The following SUMF1 variants were observed in gnomAD, a reference collection of about 807,000 sequenced individuals.
The protein encoded by SUMF1 is sulfatase modifying factor 1.
SUMF1 carries 48 observed loss-of-function variants against 47.6 expected under a neutral mutation model. The observed-to-expected ratio is 1.01, with a 90% confidence interval of 0.80 to 1.28. SUMF1 has a LOEUF of 1.28. Among genes scored for constraint, SUMF1 ranks in the 50% most tolerant of loss-of-function variants. SUMF1 has a pLI of 0.00. For missense variants in SUMF1, 571 were observed against 485.4 expected (o/e 1.18, Z -1.66); for synonymous variants, 230 against 192.1 (o/e 1.20, Z -1.63).
intron 3 of SUMF1, among the ~76,000 whole-genome samples, chr3:4,445,252 T>C (rs1702740274): frequency 6.6e-6 from 1 of 152,160 alleles, no homozygotes; most frequent in African/African-American, 2.4e-5. Flanking sequence ...TACATCTCAA[T>C]AAAGCTGTTG....
intron 8 of SUMF1, among the ~76,000 whole-genome samples, chr3:4,238,591 C>T (rs1331593858): frequency 6.6e-6 from 1 of 152,170 alleles, no homozygotes; most frequent in Non-Finnish European, 1.5e-5. Context: ...AGTGTCTGTT[C>T]ATATCCTTCA....
At chr3:4,332,684 T>C (rs1699073094) in intron 8 of SUMF1, among the ~76,000 whole-genome samples, 1 of 152,182 alleles carries the variant, frequency 6.6e-6, no homozygotes, top group Non-Finnish European at 1.5e-5. Flanking sequence ...TTAGCTTGTT[T>C]TCTTAATTAG....
intron 2 of SUMF1, 105 bp downstream of exon 2, chr3:4,452,771 C>A (rs1010535957): frequency 1.7e-5 from 22 of 1,328,404 alleles, no homozygotes; most frequent in Non-Finnish European, 1.2e-5. Flanking sequence ...CACAGTTCTG[C>A]CACAGAATGC....
chr3:4,206,460 T>TG (rs1307904366), intron 8 of SUMF1, among the ~76,000 whole-genome samples: 6 of 152,126 alleles, frequency 3.9e-5, no homozygotes, highest in African/African-American at 7.2e-5. Flanking sequence ...ACCAGGTGAA[T>TG]TCTGCCCTTC....
intron 6 of SUMF1, 100 bp downstream of exon 6, chr3:4,417,028 C>T (rs2125031192): frequency 9.4e-7 from 1 of 1,058,996 alleles, no homozygotes; most frequent in South Asian, 1.3e-5. Flanking sequence ...GAAGGGAACA[C>T]CGTGTGAGTC....
chr3:4,190,722 A>T (rs1167055854), intron 8 of SUMF1, among the ~76,000 whole-genome samples: 1 of 152,150 alleles, frequency 6.6e-6, no homozygotes, highest in African/African-American at 2.4e-5. Context: ...AATATTACTC[A>T]ATGAATTTTT....
chr3:4,106,690 G>C (rs1055342915), intron 8 of SUMF1, among the ~76,000 whole-genome samples: 2 of 152,104 alleles, frequency 1.3e-5, no homozygotes, highest in African/African-American at 4.8e-5. Context: ...ATCAGGAACT[G>C]ACTCTACTTG....
intron 8 of SUMF1, among the ~76,000 whole-genome samples, chr3:4,150,124 G>GGTCC (rs1553603983): frequency 1.5e-5 from 1 of 65,600 alleles, no homozygotes; most frequent in Non-Finnish European, 3.5e-5. Flanking sequence ...CAGGGGTCAA[G>GGTCC]GTCTGTGTCT....
intron 8 of SUMF1, among the ~76,000 whole-genome samples, chr3:4,213,057 G>C (rs1385836132): frequency 1.3e-5 from 2 of 152,064 alleles, no homozygotes; most frequent in African/African-American, 4.8e-5. Flanking sequence ...AGGAAATACA[G>C]AGAACACCAC....
chr3:4,258,899 G>A (rs1192083794), intron 8 of SUMF1, among the ~76,000 whole-genome samples: 3 of 134,564 alleles, frequency 2.2e-5, no homozygotes, highest in Non-Finnish European at 3.3e-5. Context: ...TTAAGAAAAT[G>A]TCGCACATAT....
chr3:4,260,315 T>C (rs1443899424), intron 8 of SUMF1, among the ~76,000 whole-genome samples: 2 of 152,322 alleles, frequency 1.3e-5, no homozygotes, highest in South Asian at 2.1e-4. Context: ...GGCTAATTGA[T>C]ACCAGGCAAT....
intron 8 of SUMF1, among the ~76,000 whole-genome samples, chr3:4,292,845 A>T (rs2125056418): frequency 6.6e-6 from 1 of 152,310 alleles, no homozygotes; most frequent in Admixed American, 6.5e-5. Context: ...AAGAGATGAA[A>T]AAAGACACAC....
chr3:4,360,751 T>C (rs140110271), downstream of SUMF1, among the ~76,000 whole-genome samples: 21 of 152,348 alleles, frequency 1.4e-4, no homozygotes, highest in African/African-American at 4.6e-4. Context: ...TTCTTTCAAA[T>C]GGCATGCAAG....
chr3:4,143,000 G>T (rs1303885533), intron 8 of SUMF1, among the ~76,000 whole-genome samples: 2 of 152,030 alleles, frequency 1.3e-5, no homozygotes, highest in African/African-American at 4.8e-5. Context: ...CCAAGACAAA[G>T]AATACTCTGA....
intron 8 of SUMF1, among the ~76,000 whole-genome samples, chr3:4,262,309 T>C (rs181334935): frequency 6.6e-6 from 1 of 152,250 alleles, no homozygotes; most frequent in South Asian, 2.1e-4. Context: ...CAAGGCTTAT[T>C]ATAAATTCCA....
At position 4,324,275 on chromosome 3, in the gene SUMF1, A is replaced by G. The variant is rs182115475; in HGVS notation, c.1014+52055T>C. Reference sequence around the variant, plus strand: ...CTGAAGAAAGATGGCCTCATTTGGTATCATTGTTAATAGAATACCAACTAT... The same window carrying G: ...CTGAAGAAAGATGGCCTCATTTGGTGTCATTGTTAATAGAATACCAACTAT... On this transcript the variant is annotated intron_variant and NMD_transcript_variant, in intron 8 of 12. Transcript: ENST00000448413. Among the ~76,000 whole-genome samples, 178 of 152,312 alleles carry G rather than the reference A, an allele frequency of 1.2e-3. 1 individual carries two copies. The highest frequency in any genetic ancestry group is 4.0e-3 in the African/African-American group (167 of 41,580).
intron 8 of SUMF1, among the ~76,000 whole-genome samples, chr3:4,304,899 G>A (rs150334092): frequency 1.3e-5 from 2 of 152,008 alleles, no homozygotes; most frequent in Non-Finnish European, 2.9e-5. Flanking sequence ...ATGTTTGGGA[G>A]AGAGGAGACG....
At chr3:4,120,126 C>T (rs1693506005) in intron 8 of SUMF1, among the ~76,000 whole-genome samples, 1 of 152,120 alleles carries the variant, frequency 6.6e-6, no homozygotes, top group African/African-American at 2.4e-5. Context: ...CTCAGGAAGT[C>T]CATCTTCCCA....
At chr3:4,400,583 G>A (rs984511460) in intron 7 of SUMF1, among the ~76,000 whole-genome samples, 1 of 152,232 alleles carries the variant, frequency 6.6e-6, no homozygotes, top group African/African-American at 2.4e-5. Context: ...ATTTTCCAAA[G>A]GGAGATGTTC....
Sources: gnomAD v4.1 joint callset for allele counts (sites outside exome capture counted in the v4.1 genomes callset) on GRCh38, gnomAD v4.1.1 for gene constraint, MANE v1.5 for transcripts, NCBI Gene and HGNC (gene_info 2026-07-23, HGNC 2026-07-21) for gene names.